Variants in FGF4 observed in about 807,000 individuals in gnomAD.
FGF4 encodes the protein heparin secretory transforming protein 1.
In FGF4, 9 loss-of-function variants were observed where a neutral mutation model predicts 15.7. The ratio of observed to expected loss-of-function variants is 0.57; its 90% confidence interval spans 0.35 to 1.00. FGF4 has a LOEUF of 1.00. Ranked by LOEUF, FGF4 falls within the 50% of genes least tolerant of loss-of-function variation. The probability of loss-of-function intolerance (pLI) is 0.02; values close to 1 mark genes in which losing one functional copy is unlikely to be tolerated. For synonymous variants in FGF4, 164 were observed against 144.8 expected, an observed-to-expected ratio of 1.13 and a Z score of -0.95; for missense variants, 286 against 297.3, an observed-to-expected ratio of 0.96 and a Z score of 0.28.
chr11:69,774,779 G>A lies in FGF4; in HGVS notation c.306C>T (p.Gly102=), dbSNP rs1389194861. The A allele has an allele frequency of 6.6e-7, 1 of 1,513,964 alleles. No homozygotes were observed. The highest frequency in any genetic ancestry group is 2.1e-5 in the Admixed American group (1 of 47,618). The allele number at this position is 1,513,964 out of a possible 1,614,324, so 93.8% of individuals were successfully genotyped here. Residue 102 remains glycine, a synonymous_variant, in exon 1 of 3, where the codon GGC becomes GGT. Transcript: ENST00000168712. ...IGFHLQALPD[G]RIGGAHADTR... ...TGTCCGCGTGCGCGCCGCCGATGCG[G>A]CCGTCGGGGAGCGCCTGGAGGTGGA... is the stretch of plus-strand genomic sequence containing the variant.
Position 69,775,191 on chromosome 11 carries a change from A to G in FGF4, c.-107T>C, listed in dbSNP as rs9666584. ...CGGGAGCGCACGGCCGACCTCGGGCAGGAGTGCGCAACCGAGGAGGTGCGG... is the reference window on the plus strand; with the variant it reads ...CGGGAGCGCACGGCCGACCTCGGGCGGGAGTGCGCAACCGAGGAGGTGCGG... On this transcript the variant is annotated 5_prime_UTR_variant, in exon 1 of 3. Transcript: ENST00000168712. 487,053 of 764,928 alleles carry G rather than the reference A, an allele frequency of 0.64. 156,283 individuals are homozygous for G. Among genetic ancestry groups the G allele is most frequent in the East Asian group, 0.69 (19,841 of 28,832 alleles). The allele number at this position is 764,928 out of a possible 1,614,324, so 47.4% of individuals were successfully genotyped here.
chr11:69,773,821 G>C (rs966154424), intron 2 of FGF4, among the ~76,000 whole-genome samples: 3 of 152,146 alleles, frequency 2.0e-5, no homozygotes, highest in East Asian at 1.9e-4. Flanking sequence ...GTCTGGGAGG[G>C]GCCCACTCAG....
rs1253100251 is a variant in FGF4, at chr11:69,772,586, A to G, written c.*723T>C. 1 of 152,234 alleles carries G rather than the reference A, an allele frequency of 6.6e-6. No individual in the cohort carries two copies. The highest frequency in any genetic ancestry group is 1.5e-5 in the Non-Finnish European group (1 of 68,048). The allele number at this position is 152,234 out of a possible 1,614,324, so 9.4% of individuals were successfully genotyped here. ...GTGGGATATTGATTCCTCTCCATGGAATTTATGAAAGAGCTTCGTCTTTTC... is the reference window on the plus strand; with the variant it reads ...GTGGGATATTGATTCCTCTCCATGGGATTTATGAAAGAGCTTCGTCTTTTC... On this transcript the variant is annotated 3_prime_UTR_variant, in exon 3 of 3. Coordinates refer to ENST00000168712, the MANE Select transcript of FGF4 (RefSeq NM_002007.4).
Position 69,774,791 on chromosome 11 carries a change from C to G in FGF4, c.294G>C (p.Ala98=). The part of the protein sequence containing the change: ...CNVGIGFHLQ[A]LPDGRIGGAH... ...CGCCGCCGATGCGGCCGTCGGGGAGCGCCTGGAGGTGGAAGCCGATGCCCA... is the reference window on the plus strand; with the variant it reads ...CGCCGCCGATGCGGCCGTCGGGGAGGGCCTGGAGGTGGAAGCCGATGCCCA... Residue 98 remains alanine, a synonymous_variant, in exon 1 of 3, where the codon GCG becomes GCC. Transcript: ENST00000168712. The G allele has an allele frequency of 6.6e-7, 1 of 1,521,850 alleles. No individual in the cohort carries two copies. Among genetic ancestry groups the G allele is most frequent in the Non-Finnish European group, 8.7e-7 (1 of 1,145,620 alleles). 94.3% of individuals were successfully genotyped at this position (1,521,850 alleles called of 1,614,324 possible).
At chr11:69,774,250 G>A (rs1176876723) in intron 1 of FGF4, 123 bp from the exon 2 acceptor site, 3 of 783,538 alleles carry the variant, frequency 3.8e-6, no homozygotes, top group Middle Eastern at 3.7e-4. Context: ...CAGGGTTCCC[G>A]GCGCAGCCGC....
chr11:69,773,111 C>G lies in FGF4; in HGVS notation c.*198G>C. 2.1e-6 allele frequency: 1 copy of G among 465,144 alleles called. No homozygotes were observed. 28.8% of individuals were successfully genotyped at this position (465,144 alleles called of 1,614,324 possible). On this transcript the variant is annotated 3_prime_UTR_variant, in exon 3 of 3. Coordinates refer to ENST00000168712, the MANE Select transcript of FGF4 (RefSeq NM_002007.4). Reference sequence around the variant, plus strand: ...TTGGTTTTTTGTTTTGTCTTTTTTTCCCCCCAGAAAATTAAAAAACACACC... The same window carrying G: ...TTGGTTTTTTGTTTTGTCTTTTTTTGCCCCCAGAAAATTAAAAAACACACC...
At chr11:69,774,224 G>T in intron 1 of FGF4, 97 bp from the exon 2 acceptor site, 2 of 1,032,930 alleles carry the variant, frequency 1.9e-6, no homozygotes, top group Non-Finnish European at 2.8e-6. Context: ...CTGGGGTGGG[G>T]TTGGGGATAA....
In FGF4 at chr11:69,774,458, C is replaced by T. The variant is rs1333284276; in HGVS notation, c.340+287G>A. On this transcript the variant is annotated intron_variant, in intron 1 of 2. Coordinates refer to ENST00000168712, the MANE Select transcript of FGF4 (RefSeq NM_002007.4). The stretch of plus-strand genomic sequence containing the variant: ...GTGTCTCGGGCCCCCTGTGGCTGCA[C>T]CGCGCGCCCTGTGCCCACGGGCGAA... Among the ~76,000 whole-genome samples the T allele has an allele frequency of 2.0e-5, 3 of 152,166 alleles. No homozygotes were observed. In the East Asian group the frequency reaches 5.8e-4, roughly 29 times the overall value.
In FGF4 at chr11:69,774,948, C is replaced by A. The variant is rs1054010007; in HGVS notation, c.137G>T (p.Arg46Leu). Residue 46 changes from arginine to leucine, a missense_variant, in exon 1 of 3, where the codon CGC (arginine) becomes CTC (leucine). Coordinates refer to ENST00000168712, the MANE Select transcript of FGF4 (RefSeq NM_002007.4). ...CGAGAGCGCCACCAGGCTCTCCCAG[C>A]GGCGCTCCAGCTCGGCCTCCAGCGT... ...NGTLEAELER[R>L]WESLVALSLA... The A allele has an allele frequency of 4.7e-6, 7 of 1,477,386 alleles. No individual in the cohort carries two copies. The highest frequency in any genetic ancestry group is 6.2e-6 in the Non-Finnish European group (7 of 1,121,792). The allele number at this position is 1,477,386 out of a possible 1,614,324, so 91.5% of individuals were successfully genotyped here.
chr11:69,774,689 G>T, intron 1 of FGF4, 56 bp downstream of exon 1: 1 of 1,307,702 alleles, frequency 7.6e-7, no homozygotes, highest in Non-Finnish European at 9.8e-7. Flanking sequence ...GAGCGGGTTG[G>T]CCCGGCGGCC....
rs952719873 is a variant in FGF4, at chr11:69,775,115, G to A, written c.-31C>T. 5.5e-6 allele frequency: 7 copies of A among 1,261,858 alleles called. No individual in the cohort carries two copies. The highest frequency in any genetic ancestry group is 5.0e-5 in the South Asian group (2 of 39,902). 78.2% of individuals were successfully genotyped at this position (1,261,858 alleles called of 1,614,324 possible). ...CCCGAGGGCCGTGCGTCGGTCAGGC[G>A]GTCAGTGCGCCCGGGAAGCTGGGGG... On this transcript the variant is annotated 5_prime_UTR_variant, in exon 1 of 3. Transcript: ENST00000168712.
chr11:69,774,405 T>G (rs989187249), intron 1 of FGF4, among the ~76,000 whole-genome samples: 1 of 151,780 alleles, frequency 6.6e-6, no homozygotes, highest in African/African-American at 2.4e-5. Context: ...ACCCCAGCGG[T>G]TCCCCAGCCT....
Position 69,774,093 on chromosome 11 carries a change from C to T in FGF4, c.375G>A (p.Val125=), listed in dbSNP as rs773814677. 6.2e-7 allele frequency: 1 copy of T among 1,612,836 alleles called. No homozygotes were observed. Among genetic ancestry groups the T allele is most frequent in the South Asian group, 1.1e-5 (1 of 91,038 alleles). ...LLELSPVERG[V]VSIFGVASRF... ...GGCTGGCCACGCCGAAGATGCTCAC[C>T]ACGCCCCGCTCCACGGGCGAGAGCT... The change falls in exon 2 of 3, where the codon GTG becomes GTA. Residue 125 remains valine (V), a synonymous_variant. Transcript: ENST00000168712.
rs1855577827 is a variant in FGF4, at chr11:69,772,076, CTAAAAG to C, written c.*1227_*1232del. On this transcript the variant is annotated 3_prime_UTR_variant, in exon 3 of 3. Coordinates refer to ENST00000168712, the MANE Select transcript of FGF4 (RefSeq NM_002007.4). ...AATATTTTCACCATGATCACCCTTACTAAAAGTAAATCACAGGGTAAAGATAGCTCA... is the reference window on the plus strand; with the variant it reads ...AATATTTTCACCATGATCACCCTTACTAAATCACAGGGTAAAGATAGCTCA... 1 of 152,164 alleles carries C rather than the reference CTAAAAG, an allele frequency of 6.6e-6. No individual in the cohort carries two copies. The highest frequency in any genetic ancestry group is 2.1e-4 in the South Asian group (1 of 4,832). The allele number at this position is 152,164 out of a possible 1,614,324, so 9.4% of individuals were successfully genotyped here.
intron 1 of FGF4, 116 bp downstream of exon 1, chr11:69,774,629 G>C: frequency 1.3e-6 from 1 of 768,388 alleles, no homozygotes; most frequent in South Asian, 2.7e-5. Context: ...GTCCGCCCCG[G>C]TTCCCGGGGC....
At position 69,774,853 on chromosome 11, in the gene FGF4, G is replaced by A. The variant is rs964486827; in HGVS notation, c.232C>T (p.Leu78=). 1.3e-6 allele frequency: 2 copies of A among 1,516,030 alleles called. No individual in the cohort carries two copies. Among genetic ancestry groups the A allele is most frequent in the Admixed American group, 2.0e-5 (1 of 49,294 alleles). The allele number at this position is 1,516,030 out of a possible 1,614,324, so 93.9% of individuals were successfully genotyped here. A position where few individuals can be genotyped will look rare whatever the true frequency, so the allele number is the denominator to read the frequency against. Residue 78 remains leucine (L), a synonymous_variant, in exon 1 of 3, where the codon CTG becomes TTG. Coordinates refer to ENST00000168712, the MANE Select transcript of FGF4 (RefSeq NM_002007.4). Reference sequence around the variant, plus strand: ...AGCCGCCGCAGCCGCTTGATGCCCAGCAGGTAGTCGCCGGCGCCGCTCTGG... The same window carrying A: ...AGCCGCCGCAGCCGCTTGATGCCCAACAGGTAGTCGCCGGCGCCGCTCTGG... The part of the protein sequence containing the change: ...AVQSGAGDYL[L]GIKRLRRLYC...
rs1487158729 is a variant in FGF4, at chr11:69,773,375, C to G, written c.555G>C (p.Gly185=). Residue 185 remains glycine, a synonymous_variant, in exon 3 of 3, where the codon GGG becomes GGC. Transcript: ENST00000168712. ...PGMFIALSKN[G]KTKKGNRVSP... is the part of the protein sequence containing the mutation. ...ACACTCGGTTCCCCTTCTTGGTCTT[C>G]CCATTCTTGCTCAGGGCGATGAACA... 6.2e-7 allele frequency: 1 copy of G among 1,614,182 alleles called. No individual in the cohort carries two copies. The highest frequency in any genetic ancestry group is 1.7e-5 in the Admixed American group (1 of 60,028).
Position 69,774,083 on chromosome 11 carries a change from A to G in FGF4, c.385T>C (p.Phe129Leu). The change falls in exon 2 of 3, where the codon TTC becomes CTC. Residue 129 changes from phenylalanine to leucine, a missense_variant. Phe to Leu is a conservative substitution (Grantham distance 22). Coordinates refer to ENST00000168712, the MANE Select transcript of FGF4 (RefSeq NM_002007.4). Reference sequence around the variant, plus strand: ...ACGAAGAACCGGCTGGCCACGCCGAAGATGCTCACCACGCCCCGCTCCACG... The same window carrying G: ...ACGAAGAACCGGCTGGCCACGCCGAGGATGCTCACCACGCCCCGCTCCACG... ...SPVERGVVSI[F>L]GVASRFFVAM... The G allele has an allele frequency of 1.9e-6, 3 of 1,612,966 alleles. No individual in the cohort carries two copies. The highest frequency in any genetic ancestry group is 1.7e-6 in the Non-Finnish European group (2 of 1,179,936).
In FGF4 at chr11:69,773,474, G is replaced by A. The variant is rs758706825; in HGVS notation, c.456C>T (p.Thr152=). Reference sequence around the variant, plus strand: ...GAATCTCCTTGAACGTGCACTCATCGGTGAAGAAGGGCTGCAGCAAAGCAG... The same window carrying A: ...GAATCTCCTTGAACGTGCACTCATCAGTGAAGAAGGGCTGCAGCAAAGCAG... ...KGKLYGSPFF[T]DECTFKEILL... Residue 152 remains threonine, a synonymous_variant, in exon 3 of 3, where the codon ACC becomes ACT. Transcript: ENST00000168712. 8.1e-6 allele frequency: 13 copies of A among 1,614,150 alleles called. No homozygotes were observed. The highest frequency in any genetic ancestry group is 2.7e-5 in the African/African-American group (2 of 75,052).
Sources: gnomAD v4.1 joint callset for allele counts (sites outside exome capture counted in the v4.1 genomes callset) on GRCh38, gnomAD v4.1.1 for gene constraint, MANE v1.5 for transcripts, NCBI Gene and HGNC (gene_info 2026-07-23, HGNC 2026-07-21) for gene names.